Variants in ANKRD31 observed in about 807,000 individuals in gnomAD.
The protein encoded by ANKRD31 is ankyrin repeat domain-containing protein 31.
ANKRD31 carries 147 observed loss-of-function variants against 186.0 expected under a neutral mutation model. The observed-to-expected ratio is 0.79, with a 90% CI of 0.69 to 0.91. The LOEUF is 0.91. Ranked by LOEUF, ANKRD31 falls within the 40% of genes least tolerant of loss-of-function variation. ANKRD31 has a pLI of 0.00. For missense variants in ANKRD31, 1,986 were observed against 2,148.8 expected, an observed-to-expected ratio of 0.92 and a Z score of 1.50; for synonymous variants, 673 against 736.4, an observed-to-expected ratio of 0.91 and a Z score of 1.39.
At position 75,112,515 on chromosome 5, in the gene ANKRD31, G is replaced by T. The variant is rs747267324; in HGVS notation, c.4241C>A (p.Ala1414Glu). 60 of 1,481,802 alleles carry T rather than the reference G, an allele frequency of 4.0e-5. No homozygotes were observed. The highest frequency in any genetic ancestry group is 1.0e-4 in the Admixed American group (5 of 49,666). The allele number at this position is 1,481,802 out of a possible 1,614,324, so 91.8% of individuals were successfully genotyped here. A position where few individuals can be genotyped will look rare whatever the true frequency, so the allele number is the denominator to read the frequency against. ...LEFEIRNPED[A>E]EQYIEKMLKI... ...CTTGAGTATGAGTCTATATTTACCT[G>T]CATCTTCAGGGTTTCTTATTTCAAA... is the stretch of plus-strand genomic sequence containing the variant. The change falls in exon 20 of 26, where the codon GCA (alanine) becomes GAA (glutamate). Residue 1414 changes from alanine to glutamate, a missense_variant and splice_region_variant. Coordinates refer to ENST00000506364, the MANE Select transcript of ANKRD31 (RefSeq NM_001372053.1).
chr5:75,110,707 C>CAA (rs148815372), intron 20 of ANKRD31, among the ~76,000 whole-genome samples: 5 of 139,390 alleles, frequency 3.6e-5, no homozygotes, highest in Admixed American at 7.1e-5. Context: ...AACTCCATCT[C>CAA]AAAAAAAAAA....
chr5:75,118,293 G>C lies in ANKRD31; in HGVS notation c.3881C>G (p.Ala1294Gly). The C allele has an allele frequency of 6.7e-7, 1 of 1,483,314 alleles. No homozygotes were observed. The highest frequency in any genetic ancestry group is 8.9e-7 in the Non-Finnish European group (1 of 1,128,230). The allele number at this position is 1,483,314 out of a possible 1,614,324, so 91.9% of individuals were successfully genotyped here. Residue 1294 changes from alanine (A) to glycine (G), a missense_variant, in exon 18 of 26, where the codon GCT becomes GGT. Coordinates refer to ENST00000506364, the MANE Select transcript of ANKRD31 (RefSeq NM_001372053.1). ...TGCTCCATTTTGTAGTAGAATCTCA[G>C]CTGCCTACAAAGTATTTTTTCAAAG... ...DAVANNHLKA[A>G]EILLQNGANP...
intron 7 of ANKRD31, among the ~76,000 whole-genome samples, chr5:75,194,667 G>A (rs1231990664): frequency 1.3e-5 from 2 of 152,080 alleles, no homozygotes; most frequent in South Asian, 2.1e-4. Flanking sequence ...TATTCACACA[G>A]TGGAATACTA....
At chr5:75,115,363 C>T (rs1748132106) in intron 19 of ANKRD31, among the ~76,000 whole-genome samples, 1 of 152,160 alleles carries the variant, frequency 6.6e-6, no homozygotes, top group Non-Finnish European at 1.5e-5. Context: ...CACTTCATGT[C>T]TAAAACACCA....
intron 22 of ANKRD31, among the ~76,000 whole-genome samples, chr5:75,099,405 T>G (rs1035581018): frequency 2.0e-5 from 3 of 151,608 alleles, no homozygotes; most frequent in African/African-American, 4.8e-5. Context: ...TTTTTGTTGT[T>G]TCTCTGCCAG....
chr5:75,088,784 A>G (rs1745704088), intron 23 of ANKRD31, among the ~76,000 whole-genome samples: 2 of 152,188 alleles, frequency 1.3e-5, no homozygotes, highest in Non-Finnish European at 2.9e-5. Context: ...GAACAGAAAT[A>G]ATAGTTGATC....
intron 19 of ANKRD31, among the ~76,000 whole-genome samples, chr5:75,114,976 C>T (rs926142114): frequency 6.6e-6 from 1 of 152,204 alleles, no homozygotes; most frequent in African/African-American, 2.4e-5. Flanking sequence ...AAGAACAAAA[C>T]TGGAGGCATC....
At chr5:75,194,413 C>T (rs1021393662) in intron 7 of ANKRD31, among the ~76,000 whole-genome samples, 1 of 152,052 alleles carries the variant, frequency 6.6e-6, no homozygotes, top group Non-Finnish European at 1.5e-5. Flanking sequence ...CATGCCCTAT[C>T]TCCATAATTA....
chr5:75,206,414 C>T lies in ANKRD31; in HGVS notation c.400G>A (p.Glu134Lys), dbSNP rs1270373117. Residue 134 changes from glutamate (E) to lysine (K), a missense_variant, in exon 5 of 26, where the codon GAA (glutamate) becomes AAA (lysine). Glu to Lys is a moderately conservative substitution (Grantham distance 56, BLOSUM62 1). Transcript: ENST00000506364. ...SGLSLNHQNI[E>K]GPEAESPEVL... is the part of the protein sequence containing the mutation. ...TGACTCTACCATGAAAACATACCTT[C>T]AATATTTTGGTGGTTCAATGAAAGT... is the stretch of plus-strand genomic sequence containing the variant. The T allele has an allele frequency of 3.4e-6, 5 of 1,467,544 alleles. No individual in the cohort carries two copies. Among genetic ancestry groups the T allele is most frequent in the African/African-American group, 2.8e-5 (2 of 70,192 alleles). The allele number at this position is 1,467,544 out of a possible 1,614,324, so 90.9% of individuals were successfully genotyped here.
At chr5:75,166,091 T>G (rs1318170154) in intron 11 of ANKRD31, among the ~76,000 whole-genome samples, 1 of 152,168 alleles carries the variant, frequency 6.6e-6, no homozygotes, top group Non-Finnish European at 1.5e-5. Flanking sequence ...TTTAAAATAC[T>G]CCAATAACAA....
intron 9 of ANKRD31, among the ~76,000 whole-genome samples, chr5:75,191,933 A>T (rs1389289297): frequency 6.6e-6 from 1 of 152,104 alleles, no homozygotes; most frequent in Non-Finnish European, 1.5e-5. Context: ...AGACTTACAG[A>T]AAAGTTGTAA....
Position 75,195,788 on chromosome 5 carries a change from G to T in ANKRD31, c.860C>A (p.Ala287Asp). 1 of 1,537,370 alleles carries T rather than the reference G, an allele frequency of 6.5e-7. No homozygotes were observed. Among genetic ancestry groups the T allele is most frequent in the Non-Finnish European group, 8.7e-7 (1 of 1,146,894 alleles). ...LEDAKDDALPAELLEALNTLS... is the reference protein window; with the variant it reads ...LEDAKDDALPDELLEALNTLS... ...TGTGTTCAGGGCTTCCAATAACTCA[G>T]CTGGCAATGCATCATCTTTTGCATC... The change falls in exon 7 of 26, where the codon GCT (alanine) becomes GAT (aspartate). Residue 287 changes from alanine (A) to aspartate (D), a missense_variant. Ala to Asp is a moderately radical substitution (Grantham distance 126, BLOSUM62 -2). Coordinates refer to ENST00000506364, the MANE Select transcript of ANKRD31 (RefSeq NM_001372053.1).
chr5:75,097,377 T>C (rs896312236), intron 22 of ANKRD31, among the ~76,000 whole-genome samples: 17 of 152,228 alleles, frequency 1.1e-4, no homozygotes, highest in Non-Finnish European at 2.1e-4. Context: ...TGGTATCTCA[T>C]TGTAGTTTTG....
chr5:75,092,710 A>G (rs1022060533), intron 22 of ANKRD31, among the ~76,000 whole-genome samples: 3 of 152,216 alleles, frequency 2.0e-5, no homozygotes, highest in African/African-American at 7.2e-5. Flanking sequence ...ACAAAGAAAC[A>G]GCAAAGTATG....
rs549587645 is a variant in ANKRD31, at chr5:75,118,740, A to G, written c.3877-443T>C. 9.2e-5 allele frequency among the ~76,000 whole-genome samples: 14 copies of G among 152,318 alleles called. No homozygotes were observed. In the South Asian group the frequency reaches 2.9e-3, roughly 32 times the overall value. On this transcript the variant is annotated intron_variant, in intron 17 of 25. Transcript: ENST00000506364. Reference sequence around the variant, plus strand: ...TAATTTAAATTTAAATAGCAAAAGTACCTAGTAGCTACTATATTGGGCAGC... The same window carrying G: ...TAATTTAAATTTAAATAGCAAAAGTGCCTAGTAGCTACTATATTGGGCAGC...
At chr5:75,110,930 T>A (rs1747729779) in intron 20 of ANKRD31, among the ~76,000 whole-genome samples, 1 of 151,474 alleles carries the variant, frequency 6.6e-6, no homozygotes, top group South Asian at 2.1e-4. Context: ...TCAATAGATT[T>A]AAAATGCTTA....
intron 12 of ANKRD31, among the ~76,000 whole-genome samples, chr5:75,151,310 G>C (rs1167194041): frequency 6.6e-6 from 1 of 151,970 alleles, no homozygotes; most frequent in Non-Finnish European, 1.5e-5. Context: ...GAAGGAGATT[G>C]ATATGGTTTG....
chr5:75,211,274 T>C (rs1756626424), intron 3 of ANKRD31, among the ~76,000 whole-genome samples: 1 of 152,244 alleles, frequency 6.6e-6, no homozygotes, highest in South Asian at 2.1e-4. Context: ...CTAGTTTATT[T>C]CACTTAGTAT....
At chr5:75,101,125 G>A (rs867475549) in intron 22 of ANKRD31, among the ~76,000 whole-genome samples, 9 of 152,164 alleles carry the variant, frequency 5.9e-5, no homozygotes, top group African/African-American at 1.9e-4. Context: ...GCCTGGTGGT[G>A]ACAAAATCTC....
Sources: allele counts gnomAD v4.1 joint callset (sites outside exome capture counted in the v4.1 genomes callset), GRCh38; gene constraint gnomAD v4.1.1; transcripts MANE v1.5; gene names NCBI Gene and HGNC (gene_info 2026-07-23, HGNC 2026-07-21).